The following SLC6A4 variants were observed in gnomAD, a reference collection of about 807,000 sequenced individuals.
The protein encoded by SLC6A4 is sodium-dependent serotonin transporter.
In SLC6A4, 22 loss-of-function variants were observed where a neutral mutation model predicts 73.4. The ratio of observed to expected loss-of-function variants is 0.30; its 90% CI spans 0.21 to 0.43. The LOEUF is 0.43. Among genes scored for constraint, SLC6A4 ranks in the 20% least tolerant of loss-of-function variants. SLC6A4 has a pLI of 1.00. For missense variants in SLC6A4, 593 were observed against 808.5 expected (o/e 0.73, Z 3.23); for synonymous variants, 270 against 315.5 (o/e 0.86, Z 1.53).
chr17:30,224,155 C>T (rs182042901), intron 1 of SLC6A4, among the ~76,000 whole-genome samples: 110 of 151,936 alleles, frequency 7.2e-4, no homozygotes, highest in African/African-American at 2.5e-3. Context: ...TTTCCCTGTG[C>T]GGCTGGAGGG....
At chr17:30,216,991 T>C (rs1167297655) in intron 6 of SLC6A4, among the ~76,000 whole-genome samples, 175 bp downstream of exon 6, 1 of 152,166 alleles carries the variant, frequency 6.6e-6, no homozygotes, top group Non-Finnish European at 1.5e-5. Context: ...TGAGCCACCA[T>C]GCCCAACCCA....
chr17:30,207,449 G>A (rs956040330), intron 13 of SLC6A4, among the ~76,000 whole-genome samples: 9 of 152,054 alleles, frequency 5.9e-5, no homozygotes, highest in Admixed American at 3.9e-4. Context: ...GTGCAGTGGC[G>A]CAATTTCAGC....
intron 1 of SLC6A4, among the ~76,000 whole-genome samples, chr17:30,224,465 G>A (rs776522733): frequency 6.6e-5 from 10 of 152,082 alleles, no homozygotes; most frequent in African/African-American, 9.7e-5. Flanking sequence ...TGATCCACCC[G>A]CCTTGGCCTC....
intron 14 of SLC6A4, 77 bp downstream of exon 14, chr17:30,203,095 G>T: frequency 1.7e-6 from 2 of 1,209,414 alleles, no homozygotes; most frequent in Non-Finnish European, 2.4e-6. Context: ...TTTGAATAGA[G>T]CATAACAAGA....
chr17:30,227,965 G>A (rs1237868208), intron 1 of SLC6A4, among the ~76,000 whole-genome samples: 1 of 152,212 alleles, frequency 6.6e-6, no homozygotes, highest in East Asian at 1.9e-4. Context: ...TTGTGATGGG[G>A]TCAAGGTCCC....
Position 30,197,606 on chromosome 17 carries a change from T to C in SLC6A4, c.*850A>G, listed in dbSNP as rs1337707720. ...CCTGTGGAACACTGTCCTGAATGTT[T>C]AGCACAGAGAGACAGGAAGGTGGCA... On this transcript the variant is annotated 3_prime_UTR_variant, in exon 15 of 15. Transcript: ENST00000650711. 1 of 152,346 alleles carries C rather than the reference T, an allele frequency of 6.6e-6. No homozygotes were observed. Among genetic ancestry groups the C allele is most frequent in the Non-Finnish European group, 1.5e-5 (1 of 68,052 alleles). 9.4% of individuals were successfully genotyped at this position (152,346 alleles called of 1,614,324 possible).
rs1434535312 is a variant in SLC6A4 at position 30,195,694 on chromosome 17, ATAT to A, written c.*2759_*2761del. 1 of 152,202 alleles carries A rather than the reference ATAT, an allele frequency of 6.6e-6. No individual in the cohort carries two copies. The highest frequency in any genetic ancestry group is 2.4e-5 in the African/African-American group (1 of 41,440). 9.4% of individuals were successfully genotyped at this position (152,202 alleles called of 1,614,324 possible). On this transcript the variant is annotated 3_prime_UTR_variant, in exon 15 of 15. Coordinates refer to ENST00000650711, the MANE Select transcript of SLC6A4 (RefSeq NM_001045.6). Reference sequence around the variant, plus strand: ...CTAATGGCATTATCTGACCTTTAAAATATTATTATCATTAAAATTTAGAGACAG... The same window carrying A: ...CTAATGGCATTATCTGACCTTTAAAATATTATCATTAAAATTTAGAGACAG...
chr17:30,202,909 C>T (rs539438646), intron 14 of SLC6A4, among the ~76,000 whole-genome samples: 1 of 152,298 alleles, frequency 6.6e-6, no homozygotes, highest in South Asian at 2.1e-4. Context: ...AGTTTGAAAA[C>T]CTATGCACAG....
chr17:30,222,380 T>C (rs1162661397), intron 2 of SLC6A4, among the ~76,000 whole-genome samples: 1 of 152,192 alleles, frequency 6.6e-6, no homozygotes, highest in East Asian at 1.9e-4. Context: ...CTCGCTTCCC[T>C]TTGAGCCACT....
rs201420456 is a variant in SLC6A4 at position 30,207,839 on chromosome 17, C to A, written c.1550-7G>T. ...CTGCAGAACTGAGTGATGCCTGGAA[C>A]CGCCCAAGGGGAAGAGAGGCAGAGA... On this transcript the variant is annotated splice_polypyrimidine_tract_variant and splice_region_variant and intron_variant, in intron 12 of 14. Transcript: ENST00000650711. The A allele has an allele frequency of 1.1e-4, 177 of 1,609,046 alleles. No individual in the cohort carries two copies. The highest frequency in any genetic ancestry group is 1.8e-4 in the Admixed American group (11 of 59,956).
At chr17:30,218,605 A>C (rs1461716150) in intron 4 of SLC6A4, among the ~76,000 whole-genome samples, 192 bp downstream of exon 4, 2 of 152,174 alleles carry the variant, frequency 1.3e-5, no homozygotes, top group Non-Finnish European at 2.9e-5. Flanking sequence ...TTTACTTCTC[A>C]TTGCCGTTTA....
chr17:30,208,905 T>C (rs1906294375), intron 12 of SLC6A4, among the ~76,000 whole-genome samples: 1 of 151,714 alleles, frequency 6.6e-6, no homozygotes, highest in Non-Finnish European at 1.5e-5. Flanking sequence ...TTTCACCATG[T>C]TGGCCAGGCT....
intron 5 of SLC6A4, among the ~76,000 whole-genome samples, chr17:30,217,624 G>T (rs910456781): frequency 1.3e-5 from 2 of 152,164 alleles, no homozygotes; most frequent in African/African-American, 4.8e-5. Flanking sequence ...GTGGGGAGTT[G>T]GCTCCCTTCC....
intron 13 of SLC6A4, among the ~76,000 whole-genome samples, chr17:30,207,444 G>C (rs1906242511): frequency 6.6e-6 from 1 of 151,992 alleles, no homozygotes; most frequent in Non-Finnish European, 1.5e-5. Context: ...CTGGAGTGCA[G>C]TGGCGCAATT....
chr17:30,216,980 G>A (rs1434730888), intron 6 of SLC6A4, among the ~76,000 whole-genome samples, 186 bp downstream of exon 6: 1 of 152,174 alleles, frequency 6.6e-6, no homozygotes, highest in Non-Finnish European at 1.5e-5. Context: ...GATTAGAGAC[G>A]TGAGCCACCA....
chr17:30,220,321 G>A (rs1351322743), intron 3 of SLC6A4, among the ~76,000 whole-genome samples: 1 of 152,140 alleles, frequency 6.6e-6, no homozygotes, highest in African/African-American at 2.4e-5. Context: ...ATTTTCTTGT[G>A]CTGATAACAA....
intron 8 of SLC6A4, among the ~76,000 whole-genome samples, chr17:30,215,031 C>CTTT (rs1245412745): frequency 3.9e-5 from 5 of 129,478 alleles, no homozygotes; most frequent in African/African-American, 5.8e-5. Flanking sequence ...TTTTTTCTTT[C>CTTT]TTTCTTTCTT....
chr17:30,199,203 A>G (rs920291867), intron 14 of SLC6A4, among the ~76,000 whole-genome samples: 1 of 152,164 alleles, frequency 6.6e-6, no homozygotes, highest in Non-Finnish European at 1.5e-5. Context: ...GCTGAGGTAC[A>G]CAGAAGCTTT....
At chr17:30,212,205 T>G (rs531579709) in intron 9 of SLC6A4, among the ~76,000 whole-genome samples, 1 of 152,216 alleles carries the variant, frequency 6.6e-6, no homozygotes, top group East Asian at 1.9e-4. Context: ...TACTAGACTT[T>G]GAGCCATCAC....
Sources: gnomAD v4.1 joint callset for allele counts (sites outside exome capture counted in the v4.1 genomes callset) on GRCh38, gnomAD v4.1.1 for gene constraint, MANE v1.5 for transcripts, NCBI Gene and HGNC (gene_info 2026-07-23, HGNC 2026-07-21) for gene names.